Variants in PTH1R observed in about 807,000 individuals in gnomAD.
PTH1R encodes parathyroid hormone 1 receptor.
Under a neutral mutation model 70.7 loss-of-function variants are expected in PTH1R, and 32 were observed. The ratio of observed to expected loss-of-function variants is 0.45; its 90% CI spans 0.34 to 0.61. PTH1R has a LOEUF of 0.61. PTH1R is among the 20% of genes least tolerant of loss of function. PTH1R has a pLI of 0.01. For synonymous variants in PTH1R, 329 were observed against 324.8 expected, an observed-to-expected ratio of 1.01 and a Z score of -0.14; for missense variants, 626 against 792.5, an observed-to-expected ratio of 0.79 and a Z score of 2.52.
intron 1 of PTH1R, 103 bp downstream of exon 1, chr3:46,877,946 G>C (rs2106934462): frequency 6.6e-6 from 1 of 152,386 alleles, no homozygotes; most frequent in East Asian, 1.9e-4. Context: ...CCGTGCTATG[G>C]GGCAGACAAG....
chr3:46,894,009 G>C lies in PTH1R; in HGVS notation c.178G>C (p.Ala60Pro). 1 of 1,614,030 alleles carries C rather than the reference G, an allele frequency of 6.2e-7. No individual in the cohort carries two copies. The highest frequency in any genetic ancestry group is 8.5e-7 in the Non-Finnish European group (1 of 1,179,926). ...GCTCAAGGAGGTCCTGCAGAGGCCA[G>C]GTGGGGGTCAAAGGAAGAGGGTCTG... ...KRLKEVLQRPASIMESDKGWT... is the reference protein window; with the variant it reads ...KRLKEVLQRPPSIMESDKGWT... Residue 60 changes from alanine (A) to proline (P), a missense_variant and splice_region_variant, in exon 4 of 16, where the codon GCC (alanine) becomes CCC (proline). Coordinates refer to ENST00000449590, the MANE Select transcript of PTH1R (RefSeq NM_000316.3).
intron 3 of PTH1R, among the ~76,000 whole-genome samples, chr3:46,887,999 A>G (rs1026418304): frequency 6.6e-6 from 1 of 152,164 alleles, no homozygotes; most frequent in African/African-American, 2.4e-5. Flanking sequence ...GAGAATATAC[A>G]TATTTTTTAT....
Position 46,901,134 on chromosome 3 carries a change from C to T in PTH1R, c.1049+49C>T, listed in dbSNP as rs1369120970. 1 of 1,548,040 alleles carries T rather than the reference C, an allele frequency of 6.5e-7. No homozygotes were observed. The highest frequency in any genetic ancestry group is 2.4e-5 in the East Asian group (1 of 41,526). ...CCAGGCAAGAAGCACCCCTGGGTCC[C>T]TTTTCTTCCAGGAAGCATGTGAGAG... On this transcript the variant is annotated intron_variant, in intron 11 of 15. Coordinates refer to ENST00000449590, the MANE Select transcript of PTH1R (RefSeq NM_000316.3). The surrounding 1 kb of genome is among the most constrained non-coding windows in gnomAD (Gnocchi z 7.3).
rs375241177 is a variant in PTH1R, at chr3:46,898,484, G to C, written c.638+12G>C. On this transcript the variant is annotated intron_variant, in intron 8 of 15. Transcript: ENST00000449590. ...CTGGCCTACTTTAGGTGGGCGGGGC[G>C]GGGCGAGAGGCGGCGGGACATGGTG... The C allele has an allele frequency of 1.2e-6, 2 of 1,613,438 alleles. No individual in the cohort carries two copies. The highest frequency in any genetic ancestry group is 2.7e-5 in the African/African-American group (2 of 74,858).
chr3:46,883,804 G>C lies in PTH1R; in HGVS notation c.75+170G>C, dbSNP rs1000204445. Among the ~76,000 whole-genome samples the C allele has an allele frequency of 6.6e-6, 1 of 152,246 alleles. No homozygotes were observed. The highest frequency in any genetic ancestry group is 1.5e-5 in the Non-Finnish European group (1 of 68,046). ...CTGCTGTCTCTGGGATGTCTGGACT[G>C]TGGGTTCCAGCTGCCTGAAGCCTCC... On this transcript the variant is annotated intron_variant, in intron 3 of 15. Coordinates refer to ENST00000449590, the MANE Select transcript of PTH1R (RefSeq NM_000316.3). The surrounding 1 kb of genome is among the most constrained non-coding windows in gnomAD (Gnocchi z 6.4).
chr3:46,903,135 G>A lies in PTH1R; in HGVS notation c.1396-135G>A. The A allele has an allele frequency of 1.3e-6, 2 of 1,485,176 alleles. No homozygotes were observed. The highest frequency in any genetic ancestry group is 1.8e-6 in the Non-Finnish European group (2 of 1,094,400). The allele number at this position is 1,485,176 out of a possible 1,614,324, so 92.0% of individuals were successfully genotyped here. ...GCCAAACACCCTGTTGTGAGGATGG[G>A]ATTTCACTTGGCCTTGGAGTTTCCC... On this transcript the variant is annotated intron_variant, in intron 15 of 15. Transcript: ENST00000449590. The surrounding 1 kb of genome is among the most constrained non-coding windows in gnomAD (Gnocchi z 4.4).
intron 9 of PTH1R, 38 bp from the exon 10 acceptor site, chr3:46,899,265 A>G: frequency 6.2e-7 from 1 of 1,613,332 alleles, no homozygotes; most frequent in Non-Finnish European, 8.5e-7. Context: ...TCCCGGAGGC[A>G]GGCCCTGCCC....
rs574862267 is a variant in PTH1R at position 46,899,781 on chromosome 3, T to G, written c.988+325T>G. Among the ~76,000 whole-genome samples the G allele has an allele frequency of 5.9e-4, 90 of 152,248 alleles. 1 individual carries two copies. In the Middle Eastern group the frequency reaches 0.01, roughly 17 times the overall value. On this transcript the variant is annotated intron_variant, in intron 10 of 15. Transcript: ENST00000449590. ...GTCAGAGGTCAGCCTGGGGCTGGAA[T>G]TGGGATCCGGGACCCTCCCTCTACC... is the stretch of plus-strand genomic sequence containing the variant.
In PTH1R at chr3:46,883,622, C is replaced by T. The variant is rs1366923854; in HGVS notation, c.63C>T (p.Ser21=). 2 of 1,545,144 alleles carry T rather than the reference C, an allele frequency of 1.3e-6. No individual in the cohort carries two copies. Among genetic ancestry groups the T allele is most frequent in the Admixed American group, 2.0e-5 (1 of 51,014 alleles). The change falls in exon 3 of 16, where the codon TCC becomes TCT. Residue 21 remains serine (S), a synonymous_variant. Transcript: ENST00000449590. This position sits in a 1 kb window ranked among gnomAD's most constrained non-coding sequence, Gnocchi z 6.4. Reference sequence around the variant, plus strand: ...TGCTCTGCTGCCCCGTGCTCAGCTCCGCGTACGCGCTGGTGAGTCCCCCGC... The same window carrying T: ...TGCTCTGCTGCCCCGTGCTCAGCTCTGCGTACGCGCTGGTGAGTCCCCCGC... The part of the protein sequence containing the change: ...ALLLCCPVLS[S]AYALVDADDV...
intron 3 of PTH1R, among the ~76,000 whole-genome samples, chr3:46,885,532 G>A (rs969982572): frequency 2.6e-4 from 40 of 151,758 alleles, no homozygotes; most frequent in Non-Finnish European, 4.3e-4. Context: ...ATGTGTGTGT[G>A]GAGTATGGGT....
At chr3:46,894,589 G>A (rs1401240805) in intron 4 of PTH1R, among the ~76,000 whole-genome samples, 3 of 152,026 alleles carry the variant, frequency 2.0e-5, no homozygotes, top group African/African-American at 7.3e-5. Flanking sequence ...TGAAAGCCTG[G>A]AGGAGCCTCT....
chr3:46,903,056 C>A lies in PTH1R; in HGVS notation c.1396-214C>A. ...CTGTGACCCAGATTGGAGGACTCAG[C>A]CACCTTTGGGGCAATTTGAGCCTTG... On this transcript the variant is annotated intron_variant, in intron 15 of 15. Transcript: ENST00000449590. The surrounding 1 kb of genome is among the most constrained non-coding windows in gnomAD (Gnocchi z 4.4). The A allele has an allele frequency of 9.4e-7, 1 of 1,064,936 alleles. No individual in the cohort carries two copies. Among genetic ancestry groups the A allele is most frequent in the Non-Finnish European group, 1.4e-6 (1 of 718,690 alleles). 66.0% of individuals were successfully genotyped at this position (1,064,936 alleles called of 1,614,324 possible).
chr3:46,882,557 T>G lies in PTH1R; in HGVS notation c.-48-955T>G, dbSNP rs1315821928. On this transcript the variant is annotated intron_variant, in intron 2 of 15. Coordinates refer to ENST00000449590, the MANE Select transcript of PTH1R (RefSeq NM_000316.3). The surrounding 1 kb of genome is among the most constrained non-coding windows in gnomAD (Gnocchi z 4.3). ...TGGCCGGAGCAGCCAGGCTGCTCTG[T>G]CTCGGTGTCAGTCGGCGGCGCCTCC... 4 of 150,882 alleles carry G rather than the reference T, an allele frequency of 2.7e-5. No homozygotes were observed. The highest frequency in any genetic ancestry group is 9.8e-5 in the African/African-American group (4 of 40,918). The allele number at this position is 150,882 out of a possible 1,614,324, so 9.3% of individuals were successfully genotyped here.
Position 46,892,989 on chromosome 3 carries a change from C to T in PTH1R, c.76-918C>T, listed in dbSNP as rs888328065. On this transcript the variant is annotated intron_variant, in intron 3 of 15. Coordinates refer to ENST00000449590, the MANE Select transcript of PTH1R (RefSeq NM_000316.3). The surrounding 1 kb of genome is among the most constrained non-coding windows in gnomAD (Gnocchi z 5.2). ...TTCACGGGAATGGCTGGGCTAGGCA[C>T]ACCAGGCTGCTCCCAAGTCAGAGGA... 1.3e-5 allele frequency among the ~76,000 whole-genome samples: 2 copies of T among 152,222 alleles called. No homozygotes were observed. Among genetic ancestry groups the T allele is most frequent in the African/African-American group, 4.8e-5 (2 of 41,458 alleles).
At position 46,883,811 on chromosome 3, in the gene PTH1R, C is replaced by T. The variant is rs1340867299; in HGVS notation, c.75+177C>T. Among the ~76,000 whole-genome samples the T allele has an allele frequency of 6.6e-6, 1 of 152,172 alleles. No homozygotes were observed. Among genetic ancestry groups the T allele is most frequent in the African/African-American group, 2.4e-5 (1 of 41,432 alleles). On this transcript the variant is annotated intron_variant, in intron 3 of 15. Transcript: ENST00000449590. This position sits in a 1 kb window ranked among gnomAD's most constrained non-coding sequence, Gnocchi z 6.4. ...CTCTGGGATGTCTGGACTGTGGGTT[C>T]CAGCTGCCTGAAGCCTCCCTATTTC...
In PTH1R at chr3:46,892,693, C is replaced by A; in HGVS notation, c.76-1214C>A. 1 of 983,544 alleles carries A rather than the reference C, an allele frequency of 1.0e-6. No homozygotes were observed. Among genetic ancestry groups the A allele is most frequent in the Non-Finnish European group, 1.2e-6 (1 of 827,720 alleles). The allele number at this position is 983,544 out of a possible 1,614,324, so 60.9% of individuals were successfully genotyped here. A position where few individuals can be genotyped will look rare whatever the true frequency, so the allele number is the denominator to read the frequency against. On this transcript the variant is annotated intron_variant, in intron 3 of 15. Transcript: ENST00000449590. The surrounding 1 kb of genome is among the most constrained non-coding windows in gnomAD (Gnocchi z 5.2). ...CATGCCCGACCCGCCTTCTTCCTCC[C>A]CTGCCTCCTCTGGGTCCTCCCGCCC...
rs1321039389 is a variant in PTH1R at position 46,879,746 on chromosome 3, G to A, written c.-105-1316G>A. ...TGGGTGACACAGCAAGACCCTGTCTGGGGAAAAAAAAAATGCTGCGTGTGG... is the reference window on the plus strand; with the variant it reads ...TGGGTGACACAGCAAGACCCTGTCTAGGGAAAAAAAAAATGCTGCGTGTGG... On this transcript the variant is annotated intron_variant, in intron 1 of 15. Transcript: ENST00000449590. The surrounding 1 kb of genome is among the most constrained non-coding windows in gnomAD (Gnocchi z 4.7). Among the ~76,000 whole-genome samples, 5 of 151,534 alleles carry A rather than the reference G, an allele frequency of 3.3e-5. No homozygotes were observed. Among genetic ancestry groups the A allele is most frequent in the Admixed American group, 3.3e-4 (5 of 15,216 alleles).
chr3:46,898,251 GACCC>G, intron 7 of PTH1R, 59 bp downstream of exon 7: 1 of 1,593,048 alleles, frequency 6.3e-7, no homozygotes, highest in South Asian at 1.1e-5. Context: ...CCCCACGGGT[GACCC>G]CTGACCCAGC....
At position 46,903,408 on chromosome 3, in the gene PTH1R, G is replaced by C. The variant is rs1198622172; in HGVS notation, c.1534G>C (p.Val512Leu). 1 of 1,613,342 alleles carries C rather than the reference G, an allele frequency of 6.2e-7. No individual in the cohort carries two copies. The highest frequency in any genetic ancestry group is 1.3e-5 in the African/African-American group (1 of 75,062). ...HTSVTNVGPR[V>L]GLGLPLSPRL... ...AAGTGTGACCAATGTCGGCCCCCGT[G>C]TGGGACTCGGCCTGCCCCTCAGCCC... is the stretch of plus-strand genomic sequence containing the variant. Residue 512 changes from valine (V) to leucine (L), a missense_variant, in exon 16 of 16, where the codon GTG becomes CTG. Transcript: ENST00000449590. This position sits in a 1 kb window ranked among gnomAD's most constrained non-coding sequence, Gnocchi z 4.4.
Sources: gnomAD v4.1 joint callset for allele counts (sites outside exome capture counted in the v4.1 genomes callset) on GRCh38, gnomAD v4.1.1 for gene constraint, Gnocchi (gnomAD v3.1) non-coding constraint, MANE v1.5 for transcripts, NCBI Gene and HGNC (gene_info 2026-07-23, HGNC 2026-07-21) for gene names.